MYBPC2: variants seen among roughly 807,000 people sequenced by gnomAD.
MYBPC2 encodes the protein myosin binding protein C2, also known as myosin-binding protein C, fast-type.
In MYBPC2, 122 loss-of-function variants were observed where a neutral mutation model predicts 137.0. The ratio of observed to expected loss-of-function variants is 0.89; its 90% CI spans 0.77 to 1.03. The LOEUF (loss-of-function observed/expected upper bound fraction) is 1.03. Ranked by LOEUF, MYBPC2 falls within the 50% of genes least tolerant of loss-of-function variation. The pLI is 0.00. For missense variants in MYBPC2, 1,500 were observed against 1,534.4 expected, an observed-to-expected ratio of 0.98 and a Z score of 0.37; for synonymous variants, 626 against 612.3, an observed-to-expected ratio of 1.02 and a Z score of -0.33.
chr19:50,447,413 T>C lies in MYBPC2; in HGVS notation c.1307-812T>C, dbSNP rs796929048. 3.9e-5 allele frequency among the ~76,000 whole-genome samples: 6 copies of C among 152,186 alleles called. No individual in the cohort carries two copies. In the East Asian group the frequency reaches 9.6e-4, roughly 24 times the overall value. ...TATGGGTCAAACAAATGATGGTATT[T>C]CCATATCTAGCCATAAAAAAAGAGA... is the stretch of plus-strand genomic sequence containing the variant. On this transcript the variant is annotated intron_variant, in intron 12 of 27. Coordinates refer to ENST00000357701, the MANE Select transcript of MYBPC2 (RefSeq NM_004533.4).
At chr19:50,442,843 T>A (rs955315000) in intron 9 of MYBPC2, among the ~76,000 whole-genome samples, 13 of 151,426 alleles carry the variant, frequency 8.6e-5, no homozygotes, top group African/African-American at 3.2e-4. Flanking sequence ...AATGGCATGA[T>A]CTCAGTTCAC....
chr19:50,449,364 C>T (rs555063647), intron 13 of MYBPC2, among the ~76,000 whole-genome samples: 1 of 152,266 alleles, frequency 6.6e-6, no homozygotes, highest in Admixed American at 6.5e-5. Context: ...CACGCCGCTC[C>T]CTATGGCACC....
intron 26 of MYBPC2, among the ~76,000 whole-genome samples, chr19:50,462,307 C>T (rs530319839): frequency 6.6e-6 from 1 of 152,018 alleles, no homozygotes; most frequent in African/African-American, 2.4e-5. Flanking sequence ...CTACCTCATC[C>T]TCCCGAGTAG....
At position 50,464,503 on chromosome 19, in the gene MYBPC2, C is replaced by T. The variant is rs143724166; in HGVS notation, c.3386C>T (p.Ala1129Val). The T allele has an allele frequency of 1.3e-4, 202 of 1,611,766 alleles. No homozygotes were observed. The East Asian group carries it at 4.2e-3, about 33-fold the overall frequency. ...TCRAVNELGE[A>V]LAECKLEVRV... The stretch of plus-strand genomic sequence containing the variant: ...CGGGCCGTCAACGAGCTGGGCGAGG[C>T]GCTGGCTGAGTGCAAGCTGGAGGTC... The change falls in exon 27 of 28, where the codon GCG (alanine) becomes GTG (valine). Residue 1129 changes from alanine (A) to valine (V), a missense_variant. Coordinates refer to ENST00000357701, the MANE Select transcript of MYBPC2 (RefSeq NM_004533.4).
chr19:50,436,052 G>A lies in MYBPC2; in HGVS notation c.237G>A (p.Glu79=), dbSNP rs775503423. Reference sequence around the variant, plus strand: ...TCGTGGCCAAGGTGAACGGGAAGGAGCTCCCAGACAAACCGACCATCAAGT... The same window carrying A: ...TCGTGGCCAAGGTGAACGGGAAGGAACTCCCAGACAAACCGACCATCAAGT... The part of the protein sequence containing the change: ...AVVVAKVNGK[E]LPDKPTIKWF... Residue 79 remains glutamate (E), a synonymous_variant, in exon 4 of 28, where the codon GAG becomes GAA. Transcript: ENST00000357701. 1 of 1,585,016 alleles carries A rather than the reference G, an allele frequency of 6.3e-7. No individual in the cohort carries two copies. Among genetic ancestry groups the A allele is most frequent in the Non-Finnish European group, 8.6e-7 (1 of 1,165,628 alleles).
rs1397636804 is a variant in MYBPC2 at position 50,435,275 on chromosome 19, A to AACCG, written c.109+29_109+32dup. On this transcript the variant is annotated intron_variant, in intron 2 of 27. Transcript: ENST00000357701. This position sits in a 1 kb window ranked among gnomAD's most constrained non-coding sequence, Gnocchi z 4.8. Reference sequence around the variant, plus strand: ...GGTGAGGAGGTGCTCCCTCGGGCTCAACCGACCTGGCTTCTCATCTCCATC... The same window carrying AACCG: ...GGTGAGGAGGTGCTCCCTCGGGCTCAACCGACCGACCTGGCTTCTCATCTCCATC... The AACCG allele has an allele frequency of 1.2e-6, 1 of 839,692 alleles. No homozygotes were observed. The highest frequency in any genetic ancestry group is 2.0e-6 in the Non-Finnish European group (1 of 494,176). The allele number at this position is 839,692 out of a possible 1,614,324, so 52.0% of individuals were successfully genotyped here. A position where few individuals can be genotyped will look rare whatever the true frequency, so the allele number is the denominator to read the frequency against.
rs749766871 is a variant in MYBPC2, at chr19:50,435,127, G to A, written c.20-34G>A. 2.4e-5 allele frequency: 20 copies of A among 829,442 alleles called. No homozygotes were observed. The highest frequency in any genetic ancestry group is 6.7e-5 in the African/African-American group (4 of 60,018). The allele number at this position is 829,442 out of a possible 1,614,324, so 51.4% of individuals were successfully genotyped here. A position where few individuals can be genotyped will look rare whatever the true frequency, so the allele number is the denominator to read the frequency against. On this transcript the variant is annotated intron_variant, in intron 1 of 27. Coordinates refer to ENST00000357701, the MANE Select transcript of MYBPC2 (RefSeq NM_004533.4). The surrounding 1 kb of genome is among the most constrained non-coding windows in gnomAD (Gnocchi z 4.8). Reference sequence around the variant, plus strand: ...AGGGAGGGGCATGGGTGTGCAGACCGCATGCTCAACTATGACTGTCCCCTA... The same window carrying A: ...AGGGAGGGGCATGGGTGTGCAGACCACATGCTCAACTATGACTGTCCCCTA...
rs558671360 is a variant in MYBPC2 at position 50,434,872 on chromosome 19, C to G, written c.20-289C>G. ...TACCCTCGGACCCAAAAGGTCAGGGCGTGGTGGCCTGGGCGGATGGGGCAG... is the reference window on the plus strand; with the variant it reads ...TACCCTCGGACCCAAAAGGTCAGGGGGTGGTGGCCTGGGCGGATGGGGCAG... On this transcript the variant is annotated intron_variant, in intron 1 of 27. Coordinates refer to ENST00000357701, the MANE Select transcript of MYBPC2 (RefSeq NM_004533.4). 1.7e-4 allele frequency among the ~76,000 whole-genome samples: 26 copies of G among 152,250 alleles called. No homozygotes were observed. The South Asian group carries it at 2.3e-3, about 13-fold the overall frequency.
At chr19:50,458,331 G>A (rs2039932643) in intron 20 of MYBPC2, among the ~76,000 whole-genome samples, 1 of 147,104 alleles carries the variant, frequency 6.8e-6, no homozygotes, top group Non-Finnish European at 1.5e-5. Context: ...AAAAGAATTC[G>A]TCCCACTGCA....
chr19:50,456,367 T>A (rs1041619807), intron 20 of MYBPC2, among the ~76,000 whole-genome samples: 2 of 102,418 alleles, frequency 2.0e-5, no homozygotes, highest in Non-Finnish European at 1.9e-5. Context: ...CATCCATCTG[T>A]CCATCCATCT....
intron 11 of MYBPC2, among the ~76,000 whole-genome samples, chr19:50,445,032 A>G (rs1229099892): frequency 1.3e-5 from 2 of 152,152 alleles, no homozygotes; most frequent in Non-Finnish European, 2.9e-5. Context: ...CATCACATAC[A>G]TACATATAAA....
In MYBPC2 at chr19:50,443,510, G is replaced by A. The variant is rs749460100; in HGVS notation, c.919G>A (p.Val307Ile). ...TTGAATCAGGTACGTGTTTGAGAAC[G>A]TTGGTAAGAAGCGAATTCTTACCAT... Reference protein sequence around the residue: ...KPSSKYVFENVGKKRILTINK... With the variant: ...KPSSKYVFENIGKKRILTINK... The change falls in exon 10 of 28, where the codon GTT (valine) becomes ATT (isoleucine). Residue 307 changes from valine (V) to isoleucine (I), a missense_variant. Physicochemically the swap from Val to Ile is conservative, Grantham distance 29. Transcript: ENST00000357701. 2.4e-5 allele frequency: 38 copies of A among 1,613,160 alleles called. No homozygotes were observed. The highest frequency in any genetic ancestry group is 6.7e-5 in the East Asian group (3 of 44,894).
At chr19:50,443,014 TCTGC>T in intron 9 of MYBPC2, among the ~76,000 whole-genome samples, 1 of 152,144 alleles carries the variant, frequency 6.6e-6, no homozygotes, top group Admixed American at 6.6e-5. Flanking sequence ...CTTCAAGCAA[TCTGC>T]CTGCCTCAGA....
chr19:50,459,057 C>T (rs2039942682), intron 22 of MYBPC2, 51 bp downstream of exon 22: 44 of 1,563,776 alleles, frequency 2.8e-5, no homozygotes, highest in Non-Finnish European at 3.6e-5. Flanking sequence ...CGCAAGCCCC[C>T]TTTTTGCGGG....
intron 12 of MYBPC2, among the ~76,000 whole-genome samples, chr19:50,446,545 C>T (rs916521406): frequency 2.7e-5 from 4 of 148,564 alleles, no homozygotes; most frequent in South Asian, 2.1e-4. Flanking sequence ...CAAACCTGGG[C>T]GCGGTGGCTC....
At chr19:50,460,837 A>AT (rs2039965119) in intron 24 of MYBPC2, among the ~76,000 whole-genome samples, 1 of 150,754 alleles carries the variant, frequency 6.6e-6, no homozygotes, top group East Asian at 2.0e-4. Flanking sequence ...GTAGCTGGGA[A>AT]TACAGGCACG....
rs142358432 is a variant in MYBPC2 at position 50,450,652 on chromosome 19, G to A, written c.1473-177G>A. ...AGAAACAGAGGCACAGAGAGGTTAA[G>A]TAACTTGCCCAAGGTCACATAGCTA... is the stretch of plus-strand genomic sequence containing the variant. On this transcript the variant is annotated intron_variant, in intron 13 of 27. Transcript: ENST00000357701. Among the ~76,000 whole-genome samples the A allele has an allele frequency of 3.3e-3, 506 of 152,284 alleles. 8 individuals are homozygous for A. The highest frequency in any genetic ancestry group is 0.024 in the Admixed American group (364 of 15,288).
chr19:50,466,274 T>G lies in MYBPC2; in HGVS notation c.*69T>G. The G allele has an allele frequency of 2.5e-6, 4 of 1,605,296 alleles. No individual in the cohort carries two copies. The highest frequency in any genetic ancestry group is 3.4e-6 in the Non-Finnish European group (4 of 1,172,764). On this transcript the variant is annotated 3_prime_UTR_variant, in exon 28 of 28. Coordinates refer to ENST00000357701, the MANE Select transcript of MYBPC2 (RefSeq NM_004533.4). The surrounding 1 kb of genome is among the most constrained non-coding windows in gnomAD (Gnocchi z 4.9). ...ACCCCAATCCCCAACCTCCCAGGAC[T>G]GTGTTCTTTCTGGAGTTTTCGCTGA...
intron 19 of MYBPC2, 32 bp downstream of exon 19, chr19:50,455,328 G>A (rs777248503): frequency 1.2e-6 from 2 of 1,603,192 alleles, no homozygotes; most frequent in South Asian, 1.1e-5. Context: ...ATGCCTATTG[G>A]TAATGATGGA....
Sources: gnomAD v4.1 joint callset for allele counts (sites outside exome capture counted in the v4.1 genomes callset) on GRCh38, gnomAD v4.1.1 for gene constraint, Gnocchi (gnomAD v3.1) non-coding constraint, MANE v1.5 for transcripts, NCBI Gene and HGNC (gene_info 2026-07-23, HGNC 2026-07-21) for gene names.